Variants in MALT1 observed in about 807,000 individuals in gnomAD.
MALT1 encodes mucosa-associated lymphoid tissue lymphoma translocation protein 1.
A neutral mutation model predicts 85.5 loss-of-function variants in MALT1; 36 were observed. That is an observed-to-expected ratio of 0.42 (90% CI 0.32 to 0.56). The LOEUF (loss-of-function observed/expected upper bound fraction) is 0.56, where lower values mean the gene tolerates loss of function less well. Ranked by LOEUF, MALT1 falls within the 20% of genes least tolerant of loss-of-function variation. The probability of loss-of-function intolerance (pLI) is 0.10; values close to 1 mark genes in which losing one functional copy is unlikely to be tolerated. For missense variants in MALT1, 716 were observed against 981.6 expected (o/e 0.73, Z 3.62); for synonymous variants, 359 against 361.3 (o/e 0.99, Z 0.07).
intron 10 of MALT1, among the ~76,000 whole-genome samples, chr18:58,729,382 G>A (rs989983648): frequency 2.0e-5 from 3 of 151,852 alleles, no homozygotes; most frequent in Middle Eastern, 3.4e-3. Flanking sequence ...CCAGCTACCC[G>A]GGAGGCTGAG....
chr18:58,679,852 G>C (rs2054294926), intron 1 of MALT1, among the ~76,000 whole-genome samples: 2 of 152,038 alleles, frequency 1.3e-5, no homozygotes, highest in Non-Finnish European at 2.9e-5. Flanking sequence ...CCCAGCCTAA[G>C]TACTTTGAAT....
At position 58,747,739 on chromosome 18, in the gene MALT1, C is replaced by G. The variant is rs139583101; in HGVS notation, c.2372C>G (p.Ala791Gly). 9.9e-6 allele frequency: 16 copies of G among 1,614,016 alleles called. No homozygotes were observed. In the African/African-American group the frequency reaches 2.1e-4, roughly 22 times the overall value. Residue 791 changes from alanine to glycine, a missense_variant, in exon 17 of 17, where the codon GCT becomes GGT. Coordinates refer to ENST00000649217, the MANE Select transcript of MALT1 (RefSeq NM_006785.4). ...CCAGATGCATTTATTTCAAGTTTCG[C>G]TCACCATGCTTCATGTCATTTTAGT... ...RTPDAFISSF[A>G]HHASCHFSRS...
intron 2 of MALT1, among the ~76,000 whole-genome samples, chr18:58,683,321 T>C (rs2054350811): frequency 6.6e-6 from 1 of 152,370 alleles, no homozygotes; most frequent in Non-Finnish European, 1.5e-5. Flanking sequence ...CATTCTCTTT[T>C]TCAATAATTA....
chr18:58,691,111 G>A (rs551424706), intron 2 of MALT1: 14 of 222,914 alleles, frequency 6.3e-5, no homozygotes, highest in Admixed American at 2.3e-4. Context: ...CTCTGCCCCC[G>A]CCATCTCCTC....
At chr18:58,716,602 G>A (rs1309773055) in intron 9 of MALT1, among the ~76,000 whole-genome samples, 1 of 152,226 alleles carries the variant, frequency 6.6e-6, no homozygotes, top group Non-Finnish European at 1.5e-5. Context: ...TGCCTAATAT[G>A]TGTCAGTTAC....
At chr18:58,690,403 G>C (rs2054479049) in intron 2 of MALT1, 1 of 154,754 alleles carries the variant, frequency 6.5e-6, no homozygotes, top group Non-Finnish European at 1.4e-5. Context: ...GCTCCAGGCA[G>C]CTCAACCTTG....
At chr18:58,684,317 A>G (rs1404467176) in intron 2 of MALT1, among the ~76,000 whole-genome samples, 1 of 152,206 alleles carries the variant, frequency 6.6e-6, no homozygotes, top group African/African-American at 2.4e-5. Context: ...TGTTGCTTGA[A>G]TGTTAGTTAT....
chr18:58,697,899 C>G (rs912522817), intron 3 of MALT1, among the ~76,000 whole-genome samples: 18 of 152,166 alleles, frequency 1.2e-4, no homozygotes, highest in African/African-American at 4.3e-4. Flanking sequence ...AAAGAGCTTA[C>G]ACGCCAGTGG....
intron 10 of MALT1, among the ~76,000 whole-genome samples, chr18:58,729,553 G>A (rs1380859617): frequency 6.6e-6 from 1 of 151,382 alleles, no homozygotes; most frequent in African/African-American, 2.4e-5. Context: ...AAAACACTAT[G>A]GAGTCAAAAC....
At chr18:58,724,854 C>T (rs1330628800) in intron 10 of MALT1, among the ~76,000 whole-genome samples, 1 of 151,890 alleles carries the variant, frequency 6.6e-6, no homozygotes, top group Non-Finnish European at 1.5e-5. Flanking sequence ...ACTAAAAATA[C>T]AAAAATTGGG....
At chr18:58,738,078 A>AG (rs2055250034) in intron 13 of MALT1, among the ~76,000 whole-genome samples, 2 of 152,184 alleles carry the variant, frequency 1.3e-5, no homozygotes, top group Non-Finnish European at 2.9e-5. Flanking sequence ...AGGACCTTGA[A>AG]GTAACCTACA....
rs937033623 is a variant in MALT1, at chr18:58,748,380, TTA to T, written c.*549_*550del. ...TGTTTGTAGATAGAGTGAAATATAT[TTA>T]TATATATATAAATATATACAGATAC... On this transcript the variant is annotated 3_prime_UTR_variant, in exon 17 of 17. Transcript: ENST00000649217. 6.7e-5 allele frequency: 12 copies of T among 178,850 alleles called. No individual in the cohort carries two copies. The highest frequency in any genetic ancestry group is 1.4e-4 in the Non-Finnish European group (12 of 84,252). The allele number at this position is 178,850 out of a possible 1,614,324, so 11.1% of individuals were successfully genotyped here. A position where few individuals can be genotyped will look rare whatever the true frequency, so the allele number is the denominator to read the frequency against.
At chr18:58,728,116 CTG>C (rs1288211257) in intron 10 of MALT1, among the ~76,000 whole-genome samples, 1 of 152,168 alleles carries the variant, frequency 6.6e-6, no homozygotes, top group Non-Finnish European at 1.5e-5. Flanking sequence ...AAATAAATAT[CTG>C]TGACTATATT....
intron 9 of MALT1, among the ~76,000 whole-genome samples, chr18:58,716,826 G>A (rs542922764): frequency 6.6e-6 from 1 of 152,326 alleles, no homozygotes; most frequent in Non-Finnish European, 1.5e-5. Context: ...TGTTGAGACT[G>A]TGTAGATTAG....
intron 2 of MALT1, among the ~76,000 whole-genome samples, chr18:58,686,931 A>T (rs1192186920): frequency 6.6e-6 from 1 of 152,214 alleles, no homozygotes; most frequent in Non-Finnish European, 1.5e-5. Context: ...CATTTGGCCA[A>T]AGTCACAATT....
rs1000959871 is a variant in MALT1, at chr18:58,681,330, C to T, written c.370C>T (p.Pro124Ser). ...EHTEVLQLLSPPGIKITVNPE... is the reference protein window; with the variant it reads ...EHTEVLQLLSSPGIKITVNPE... ...CACTGAAGTTCTTCAGCTTCTCAGC[C>T]CCCCAGGTAGGTTTTGTTCTTAGGA... Residue 124 changes from proline to serine, a missense_variant, in exon 2 of 17, where the codon CCC (proline) becomes TCC (serine). Pro to Ser is a moderately conservative substitution (Grantham distance 74). Around this residue, in one of 4 missense-constraint regions of MALT1, gnomAD observed 290 missense variants for 380.5 expected, o/e 0.76. Coordinates refer to ENST00000649217, the MANE Select transcript of MALT1 (RefSeq NM_006785.4). 3.1e-6 allele frequency: 5 copies of T among 1,612,648 alleles called. No individual in the cohort carries two copies. The highest frequency in any genetic ancestry group is 4.2e-6 in the Non-Finnish European group (5 of 1,179,290).
In MALT1 at chr18:58,696,398, G is replaced by T. The variant is rs1279558534; in HGVS notation, c.409G>T (p.Ala137Ser). The change falls in exon 3 of 17, where the codon GCA becomes TCA. Residue 137 changes from alanine to serine, a missense_variant. By Grantham distance (99) the Ala-to-Ser change is moderately conservative. Coordinates refer to ENST00000649217, the MANE Select transcript of MALT1 (RefSeq NM_006785.4). Reference protein sequence around the residue: ...IKITVNPESKAVLAGQFVKLC... With the variant: ...IKITVNPESKSVLAGQFVKLC... ...GATTACTGTAAACCCAGAGTCAAAG[G>T]CAGTCTTGGCTGGACAGTTTGTGAA... 5 of 1,545,704 alleles carry T rather than the reference G, an allele frequency of 3.2e-6. No individual in the cohort carries two copies. Among genetic ancestry groups the T allele is most frequent in the Non-Finnish European group, 4.4e-6 (5 of 1,142,304 alleles).
rs981620843 is a variant in MALT1 at position 58,750,195 on chromosome 18, G to A, written c.*2353G>A. The A allele has an allele frequency of 5.7e-6, 1 of 174,528 alleles. No homozygotes were observed. The highest frequency in any genetic ancestry group is 2.4e-5 in the African/African-American group (1 of 42,120). The allele number at this position is 174,528 out of a possible 1,614,324, so 10.8% of individuals were successfully genotyped here. ...CTAACAGCAAACATTCTGAAAATGA[G>A]AATAAAGAAATCCTATATACAGTAG... On this transcript the variant is annotated 3_prime_UTR_variant, in exon 17 of 17. Transcript: ENST00000649217.
chr18:58,744,543 T>TA, intron 15 of MALT1, 48 bp downstream of exon 15: 1 of 1,276,000 alleles, frequency 7.8e-7, no homozygotes, highest in Non-Finnish European at 1.1e-6. Flanking sequence ...TCTCACTTAT[T>TA]AAAGACTAAA....
Sources: gnomAD v4.1 joint callset for allele counts (sites outside exome capture counted in the v4.1 genomes callset) on GRCh38, gnomAD v4.1.1 for gene constraint, gnomAD v4.1.1 regional missense constraint, MANE v1.5 for transcripts, NCBI Gene and HGNC (gene_info 2026-07-23, HGNC 2026-07-21) for gene names.